Variants in ARNT observed in about 807,000 individuals in gnomAD.
ARNT encodes aryl hydrocarbon receptor nuclear translocator, also known as class E basic helix-loop-helix protein 2.
In ARNT, 30 loss-of-function variants were observed where a neutral mutation model predicts 105.0. The ratio of observed to expected loss-of-function variants is 0.29; its 90% CI spans 0.21 to 0.39. The LOEUF (loss-of-function observed/expected upper bound fraction) is 0.39. ARNT is among the 10% of genes least tolerant of loss of function. The pLI is 1.00. For missense variants in ARNT, 748 were observed against 978.7 expected (o/e 0.76, Z 3.15); for synonymous variants, 304 against 344.0 (o/e 0.88, Z 1.29).
rs972617278 is a variant in ARNT at position 150,817,167 on chromosome 1, G to A, written c.1614C>T (p.His538=). 1 of 1,614,208 alleles carries A rather than the reference G, an allele frequency of 6.2e-7. No individual in the cohort carries two copies. Among genetic ancestry groups the A allele is most frequent in the Non-Finnish European group, 8.5e-7 (1 of 1,180,048 alleles). The change falls in exon 17 of 22, where the codon CAC becomes CAT. Residue 538 remains histidine (H), a synonymous_variant. Coordinates refer to ENST00000358595, the MANE Select transcript of ARNT (RefSeq NM_001668.4). ...CATCTGACTTCTCAAGGGGCTTGCT[G>A]TGTTCTGGTCCTGTGGTTGTCACAG... ...VQPVTTTGPE[H]SKPLEKSDGL... is the part of the protein sequence containing the mutation.
At chr1:150,813,743 C>T (rs942859372) in intron 20 of ARNT, among the ~76,000 whole-genome samples, 2 of 151,842 alleles carry the variant, frequency 1.3e-5, no homozygotes, top group Admixed American at 1.3e-4. Flanking sequence ...CTCCTGGGTT[C>T]AAGCGATTCT....
intron 9 of ARNT, 34 bp downstream of exon 9, chr1:150,832,300 C>T: frequency 6.2e-7 from 1 of 1,610,192 alleles, no homozygotes. Flanking sequence ...AGGTATTTGG[C>T]CATCCCTTTG....
At chr1:150,817,606 G>A (rs587686450) in intron 15 of ARNT, among the ~76,000 whole-genome samples, 173 bp from the exon 16 acceptor site, 1 of 152,184 alleles carries the variant, frequency 6.6e-6, no homozygotes, top group Admixed American at 6.5e-5. Flanking sequence ...TCAGGAGTTC[G>A]ACACCAGCCT....
intron 20 of ARNT, 69 bp downstream of exon 20, chr1:150,814,008 T>C (rs945624059): frequency 3.8e-6 from 6 of 1,568,400 alleles, no homozygotes; most frequent in Non-Finnish European, 8.7e-7. Flanking sequence ...GGCAAACAAC[T>C]TTAACTACCA....
At chr1:150,818,077 G>T (rs759471197) in intron 14 of ARNT, 47 bp from the exon 15 acceptor site, 33 of 1,287,234 alleles carry the variant, frequency 2.6e-5, no homozygotes, top group Admixed American at 3.9e-5. Context: ...GAGGGAGGAA[G>T]GGGGGAGAGA....
At chr1:150,859,812 C>A (rs1303365870) in intron 1 of ARNT, among the ~76,000 whole-genome samples, 2 of 152,086 alleles carry the variant, frequency 1.3e-5, no homozygotes, top group African/African-American at 4.8e-5. Flanking sequence ...GAGTTCGAGA[C>A]TAGCCTTTGC....
intron 21 of ARNT, chr1:150,812,615 T>C (rs587686887): frequency 6.5e-6 from 1 of 152,982 alleles, no homozygotes; most frequent in African/African-American, 2.4e-5. Flanking sequence ...CTTCATGAAT[T>C]TGTGTGTCAT....
intron 14 of ARNT, among the ~76,000 whole-genome samples, chr1:150,821,131 C>T (rs1293458449): frequency 1.3e-5 from 2 of 152,156 alleles, no homozygotes; most frequent in Non-Finnish European, 1.5e-5. Context: ...CTGTATTTAT[C>T]GTTATCATAA....
At chr1:150,829,563 A>G (rs1311751299) in intron 11 of ARNT, 5 of 581,422 alleles carry the variant, frequency 8.6e-6, no homozygotes, top group East Asian at 3.7e-5. Flanking sequence ...GAAAAAATCA[A>G]AATAATTCCA....
intron 15 of ARNT, among the ~76,000 whole-genome samples, 193 bp downstream of exon 15, chr1:150,817,727 T>C (rs1382508758): frequency 6.6e-6 from 1 of 150,800 alleles, no homozygotes; most frequent in African/African-American, 2.4e-5. Context: ...GTGAATCACT[T>C]GAACCCAGGA....
chr1:150,874,592 G>A (rs934153831), intron 1 of ARNT, among the ~76,000 whole-genome samples: 32 of 152,110 alleles, frequency 2.1e-4, no homozygotes, highest in East Asian at 5.8e-4. Context: ...GAGGCTGATC[G>A]TGAGAGGATC....
At chr1:150,830,087 C>A (rs587604205) in intron 10 of ARNT, 107 bp from the exon 11 acceptor site, 6 of 1,247,824 alleles carry the variant, frequency 4.8e-6, no homozygotes, top group African/African-American at 1.5e-5. Flanking sequence ...GGCCAGGCAC[C>A]GTGGCTGACG....
chr1:150,821,383 C>T (rs954427813), intron 14 of ARNT, among the ~76,000 whole-genome samples: 17 of 152,174 alleles, frequency 1.1e-4, no homozygotes, highest in African/African-American at 3.6e-4. Context: ...ATGCAAGAAC[C>T]ATGAGATTTC....
intron 2 of ARNT, among the ~76,000 whole-genome samples, chr1:150,855,525 G>A (rs1017473712): frequency 2.0e-5 from 3 of 151,896 alleles, no homozygotes; most frequent in Admixed American, 6.6e-5. Flanking sequence ...TCGCATCACC[G>A]CACTCCAGCC....
rs1438981486 is a variant in ARNT at position 150,831,619 on chromosome 1, G to A, written c.955+199C>T. 5 of 529,908 alleles carry A rather than the reference G, an allele frequency of 9.4e-6. No individual in the cohort carries two copies. The Admixed American group carries it at 1.1e-4, about 12-fold the overall frequency. 32.8% of individuals were successfully genotyped at this position (529,908 alleles called of 1,614,324 possible). On this transcript the variant is annotated intron_variant, in intron 10 of 21. Transcript: ENST00000358595. The stretch of plus-strand genomic sequence containing the variant: ...ACAGCCAATACTGAATCATTTTCCA[G>A]CCTGAGTTATCTATCTCCTCAACTG...
At chr1:150,813,420 G>A in intron 20 of ARNT, 82 bp from the exon 21 acceptor site, 1 of 1,401,606 alleles carries the variant, frequency 7.1e-7, no homozygotes, top group Non-Finnish European at 9.5e-7. Flanking sequence ...AACAACTATA[G>A]GTAAGCCATT....
chr1:150,862,174 G>A (rs1431913267), intron 1 of ARNT, among the ~76,000 whole-genome samples: 1 of 152,092 alleles, frequency 6.6e-6, no homozygotes, highest in Admixed American at 6.6e-5. Context: ...TAAATGTATA[G>A]TTATGACATT....
chr1:150,851,278 G>A (rs1663451242), intron 3 of ARNT, among the ~76,000 whole-genome samples: 1 of 149,956 alleles, frequency 6.7e-6, no homozygotes, highest in Non-Finnish European at 1.5e-5. Flanking sequence ...CCGTCCGGGA[G>A]GTGGGGGGCG....
At chr1:150,831,141 C>T (rs959566288) in intron 10 of ARNT, among the ~76,000 whole-genome samples, 6 of 152,186 alleles carry the variant, frequency 3.9e-5, no homozygotes, top group African/African-American at 1.4e-4. Flanking sequence ...ACAGGAATCA[C>T]ATCCAGGTTT....
Sources: allele counts gnomAD v4.1 joint callset (sites outside exome capture counted in the v4.1 genomes callset), GRCh38; gene constraint gnomAD v4.1.1; transcripts MANE v1.5; gene names NCBI Gene and HGNC (gene_info 2026-07-23, HGNC 2026-07-21).